Variants in PLPPR1 observed in about 807,000 individuals in gnomAD.
PLPPR1 encodes phospholipid phosphatase related 1.
A neutral mutation model predicts 33.1 loss-of-function variants in PLPPR1; 10 were observed. The ratio of observed to expected loss-of-function variants is 0.30; its 90% CI spans 0.19 to 0.51. PLPPR1 has a LOEUF of 0.51. Ranked by LOEUF, PLPPR1 falls within the 20% of genes least tolerant of loss-of-function variation. The pLI is 0.97. For synonymous variants in PLPPR1, 151 were observed against 151.0 expected (o/e 1.00, Z 0.00); for missense variants, 304 against 408.1 (o/e 0.74, Z 2.20).
At chr9:101,276,675 T>C (rs1362263520) in intron 3 of PLPPR1, among the ~76,000 whole-genome samples, 1 of 152,218 alleles carries the variant, frequency 6.6e-6, no homozygotes, top group Non-Finnish European at 1.5e-5. Flanking sequence ...ACTGTTCAGA[T>C]AAAAAGATAT....
chr9:101,174,776 T>C (rs1226593190), intron 1 of PLPPR1, among the ~76,000 whole-genome samples: 1 of 152,206 alleles, frequency 6.6e-6, no homozygotes, highest in East Asian at 1.9e-4. Context: ...TTGAATCTTT[T>C]ACTGAAATTC....
intron 3 of PLPPR1, among the ~76,000 whole-genome samples, chr9:101,271,621 A>C (rs189063246): frequency 9.9e-5 from 15 of 152,204 alleles, no homozygotes; most frequent in African/African-American, 3.6e-4. Flanking sequence ...TCCACACCCC[A>C]CGTAAAACTA....
intron 2 of PLPPR1, among the ~76,000 whole-genome samples, chr9:101,257,428 T>C (rs1439916552): frequency 6.6e-6 from 1 of 152,198 alleles, no homozygotes; most frequent in Non-Finnish European, 1.5e-5. Context: ...GTGCCTGTGC[T>C]AAACTGGGGT....
intron 1 of PLPPR1, among the ~76,000 whole-genome samples, chr9:101,116,971 C>T (rs1014712056): frequency 6.6e-6 from 1 of 152,054 alleles, no homozygotes; most frequent in African/African-American, 2.4e-5. Flanking sequence ...TCTCTCTACC[C>T]TGAATATAAA....
intron 1 of PLPPR1, among the ~76,000 whole-genome samples, chr9:101,095,861 T>A (rs1428472404): frequency 2.0e-5 from 3 of 152,162 alleles, no homozygotes; most frequent in Non-Finnish European, 2.9e-5. Context: ...TTGCTTTAAA[T>A]GTTGACCCAG....
At position 101,213,992 on chromosome 9, in the gene PLPPR1, T is replaced by A. The variant is rs186039628; in HGVS notation, c.63+28435T>A. Among the ~76,000 whole-genome samples, 21 of 152,324 alleles carry A rather than the reference T, an allele frequency of 1.4e-4. No individual in the cohort carries two copies. The East Asian group carries it at 3.9e-3, about 28-fold the overall frequency. On this transcript the variant is annotated intron_variant, in intron 2 of 7. Coordinates refer to ENST00000374874, the MANE Select transcript of PLPPR1 (RefSeq NM_207299.2). ...ACATGGGTCAGTTTACAGAGAAGTGTTTGGCTACAGTTCTGATCTCTGAAG... is the reference window on the plus strand; with the variant it reads ...ACATGGGTCAGTTTACAGAGAAGTGATTGGCTACAGTTCTGATCTCTGAAG...
intron 3 of PLPPR1, among the ~76,000 whole-genome samples, chr9:101,282,189 A>G (rs1305319559): frequency 1.3e-5 from 2 of 152,178 alleles, no homozygotes; most frequent in Non-Finnish European, 1.5e-5. Context: ...ATCAAACTTA[A>G]CAGCACAGTT....
chr9:101,152,321 G>A (rs1397332975), intron 1 of PLPPR1, among the ~76,000 whole-genome samples: 1 of 151,834 alleles, frequency 6.6e-6, no homozygotes, highest in African/African-American at 2.4e-5. Flanking sequence ...TGAGTAGATT[G>A]CAGAAATTTT....
chr9:101,264,489 A>G (rs16920104), intron 2 of PLPPR1, among the ~76,000 whole-genome samples: 12,206 of 152,148 alleles, frequency 0.08, 1,573 homozygotes, highest in African/African-American at 0.28. Context: ...GCAGCCACGC[A>G]TAACTCCCAC....
chr9:101,206,066 G>A (rs1251047656), intron 2 of PLPPR1, among the ~76,000 whole-genome samples: 1 of 152,118 alleles, frequency 6.6e-6, no homozygotes, highest in Non-Finnish European at 1.5e-5. Context: ...CAAAGATTCT[G>A]GCAAATGGGA....
At chr9:101,180,711 T>A (rs1826096198) in intron 1 of PLPPR1, among the ~76,000 whole-genome samples, 1 of 151,890 alleles carries the variant, frequency 6.6e-6, no homozygotes, top group Non-Finnish European at 1.5e-5. Context: ...ATTGGACTCT[T>A]ATTCCACACC....
At position 101,259,347 on chromosome 9, in the gene PLPPR1, G is replaced by A. The variant is rs114224341; in HGVS notation, c.64-10533G>A. On this transcript the variant is annotated intron_variant, in intron 2 of 7. Coordinates refer to ENST00000374874, the MANE Select transcript of PLPPR1 (RefSeq NM_207299.2). ...GCTTCTATCCATTACCAAAAAATAT[G>A]GGCAGGACAAAGGCCAGTGTGTTCA... 6.4e-3 allele frequency among the ~76,000 whole-genome samples: 979 copies of A among 152,220 alleles called. 9 individuals are homozygous for A. The highest frequency in any genetic ancestry group is 0.022 in the African/African-American group (928 of 41,542).
intron 1 of PLPPR1, among the ~76,000 whole-genome samples, chr9:101,100,701 T>C (rs1588027934): frequency 2.6e-5 from 1 of 37,748 alleles, no homozygotes; most frequent in East Asian, 8.4e-4. Context: ...TTGTTCCGTG[T>C]GTGTGTGTGT....
rs12115397 is a variant in PLPPR1 at position 101,204,680 on chromosome 9, G to T, written c.63+19123G>T. Among the ~76,000 whole-genome samples the T allele has an allele frequency of 4.0e-3, 611 of 152,190 alleles. 5 individuals carry two copies. Among genetic ancestry groups the T allele is most frequent in the African/African-American group, 0.014 (588 of 41,540 alleles). On this transcript the variant is annotated intron_variant, in intron 2 of 7. Coordinates refer to ENST00000374874, the MANE Select transcript of PLPPR1 (RefSeq NM_207299.2). ...CTGGGAGTACTGAATGGATTTCTAA[G>T]CTTCTCTAGTATCTCTAAGGTGTTG...
At chr9:101,306,582 G>A (rs555815904) in intron 4 of PLPPR1, among the ~76,000 whole-genome samples, 1 of 152,312 alleles carries the variant, frequency 6.6e-6, no homozygotes, top group South Asian at 2.1e-4. Flanking sequence ...CTGGACTTTT[G>A]TGTCTGTTGT....
intron 1 of PLPPR1, among the ~76,000 whole-genome samples, chr9:101,120,572 G>C (rs1019976912): frequency 6.6e-6 from 1 of 152,142 alleles, no homozygotes; most frequent in African/African-American, 2.4e-5. Flanking sequence ...AAATGGGTGG[G>C]TATGTGTCTA....
chr9:101,236,656 T>C (rs1333763566), intron 2 of PLPPR1, among the ~76,000 whole-genome samples: 1 of 151,684 alleles, frequency 6.6e-6, no homozygotes, highest in Non-Finnish European at 1.5e-5. Context: ...CTATGGGTTA[T>C]AGTGATATTT....
At chr9:101,256,956 T>A (rs546235809) in intron 2 of PLPPR1, among the ~76,000 whole-genome samples, 1 of 152,092 alleles carries the variant, frequency 6.6e-6, no homozygotes, top group Non-Finnish European at 1.5e-5. Flanking sequence ...CTCCCTCCCT[T>A]CTTCTTTCCA....
chr9:101,141,073 CTA>C (rs35496697), intron 1 of PLPPR1, among the ~76,000 whole-genome samples: 22,280 of 152,084 alleles, frequency 0.15, 1,977 homozygotes, highest in Non-Finnish European at 0.2. Context: ...TAATTTAACT[CTA>C]TGTAGGAGTG....
Sources: gnomAD v4.1 joint callset for allele counts (sites outside exome capture counted in the v4.1 genomes callset) on GRCh38, gnomAD v4.1.1 for gene constraint, MANE v1.5 for transcripts, NCBI Gene and HGNC (gene_info 2026-07-23, HGNC 2026-07-21) for gene names.